Variants in PIP5K1A observed in about 807,000 individuals in gnomAD.
The protein encoded by PIP5K1A is phosphatidylinositol-4-phosphate 5-kinase type 1 alpha, also known as phosphatidylinositol 4-phosphate 5-kinase type-1 alpha.
In PIP5K1A, 46 loss-of-function variants were observed where a neutral mutation model predicts 72.9. That is an observed-to-expected ratio of 0.63 (90% CI 0.50 to 0.81). The LOEUF is 0.81. Ranked by LOEUF, PIP5K1A falls within the 30% of genes least tolerant of loss-of-function variation. PIP5K1A has a pLI of 0.00. For synonymous variants in PIP5K1A, 228 were observed against 255.1 expected, an observed-to-expected ratio of 0.89 and a Z score of 1.01; for missense variants, 458 against 706.1, an observed-to-expected ratio of 0.65 and a Z score of 3.98.
At chr1:151,237,105 C>G (rs1326715903) in intron 9 of PIP5K1A, among the ~76,000 whole-genome samples, 1 of 152,170 alleles carries the variant, frequency 6.6e-6, no homozygotes, top group Non-Finnish European at 1.5e-5. Context: ...GCAGGGATTA[C>G]AGGCGTGAGC....
intron 3 of PIP5K1A, among the ~76,000 whole-genome samples, chr1:151,225,016 T>C (rs587721476): frequency 6.6e-6 from 1 of 152,274 alleles, no homozygotes; most frequent in South Asian, 2.1e-4. Context: ...GCTAAAAGAA[T>C]AGAACTTGAA....
At chr1:151,222,343 A>G (rs587665573) in intron 1 of PIP5K1A, among the ~76,000 whole-genome samples, 1 of 152,312 alleles carries the variant, frequency 6.6e-6, no homozygotes, top group South Asian at 2.1e-4. Flanking sequence ...ACAGATAGCT[A>G]AGCAGTTGGC....
intron 7 of PIP5K1A, among the ~76,000 whole-genome samples, chr1:151,233,979 T>G (rs587670957): frequency 6.6e-6 from 1 of 152,282 alleles, no homozygotes; most frequent in South Asian, 2.1e-4. Context: ...CTGGCTGATT[T>G]CTGTATTGGA....
chr1:151,209,549 C>T (rs1273894098), intron 1 of PIP5K1A, among the ~76,000 whole-genome samples: 2 of 151,504 alleles, frequency 1.3e-5, no homozygotes, highest in South Asian at 2.1e-4. Context: ...AAGCAATTCT[C>T]CTGTCTCAGC....
intron 8 of PIP5K1A, among the ~76,000 whole-genome samples, chr1:151,236,305 C>T (rs1370777081): frequency 1.3e-5 from 2 of 151,020 alleles, no homozygotes; most frequent in Non-Finnish European, 2.9e-5. Context: ...ATGGTGAAAC[C>T]GTCTCTATGA....
chr1:151,224,425 A>C lies in PIP5K1A; in HGVS notation c.156+19A>C, dbSNP rs751526337. ...CTCATTGGTAGGCTAGAAATTATGCAACTCATCTTTTATTGTAGTTTATTT... is the reference window on the plus strand; with the variant it reads ...CTCATTGGTAGGCTAGAAATTATGCCACTCATCTTTTATTGTAGTTTATTT... On this transcript the variant is annotated intron_variant, in intron 3 of 15. Coordinates refer to ENST00000368888, the MANE Select transcript of PIP5K1A (RefSeq NM_001135638.2). 6.6e-7 allele frequency: 1 copy of C among 1,524,700 alleles called. No homozygotes were observed. Among genetic ancestry groups the C allele is most frequent in the South Asian group, 1.1e-5 (1 of 88,294 alleles). 94.4% of individuals were successfully genotyped at this position (1,524,700 alleles called of 1,614,324 possible).
At chr1:151,212,925 C>G (rs1321321230) in intron 1 of PIP5K1A, among the ~76,000 whole-genome samples, 1 of 134,122 alleles carries the variant, frequency 7.5e-6, no homozygotes, top group East Asian at 2.3e-4. Flanking sequence ...GAGTCTCGCT[C>G]TGTCGCCCAG....
intron 10 of PIP5K1A, among the ~76,000 whole-genome samples, chr1:151,238,800 T>C (rs1441729966): frequency 1.3e-5 from 2 of 152,226 alleles, no homozygotes; most frequent in African/African-American, 4.8e-5. Context: ...AGTATTATCA[T>C]CCAGTTTTAA....
In PIP5K1A at chr1:151,248,060, C is replaced by A. The variant is rs1167448503; in HGVS notation, c.*195C>A. The A allele has an allele frequency of 4.9e-6, 3 of 611,046 alleles. No individual in the cohort carries two copies. The highest frequency in any genetic ancestry group is 8.7e-6 in the Non-Finnish European group (3 of 343,542). 37.9% of individuals were successfully genotyped at this position (611,046 alleles called of 1,614,324 possible). On this transcript the variant is annotated 3_prime_UTR_variant, in exon 16 of 16. Coordinates refer to ENST00000368888, the MANE Select transcript of PIP5K1A (RefSeq NM_001135638.2). ...CTCCTTCCTCTTCCTCATGAATGGG[C>A]CTTAGTGCCTCAGAGAGTTGAGGAC...
In PIP5K1A at chr1:151,244,685, T is replaced by G. The variant is rs114197868; in HGVS notation, c.1640+2118T>G. Among the ~76,000 whole-genome samples, 1,334 of 152,078 alleles carry G rather than the reference T, an allele frequency of 8.8e-3. 28 individuals are homozygous for G. The highest frequency in any genetic ancestry group is 0.03 in the African/African-American group (1,264 of 41,486). On this transcript the variant is annotated intron_variant, in intron 14 of 15. Coordinates refer to ENST00000368888, the MANE Select transcript of PIP5K1A (RefSeq NM_001135638.2). The stretch of plus-strand genomic sequence containing the variant: ...GAAAAATAAATAAAAATAAAGTATA[T>G]GGAGGATGTGTGTGAGTTATATGCA...
At chr1:151,218,635 A>C (rs1687963836) in intron 1 of PIP5K1A, among the ~76,000 whole-genome samples, 1 of 151,914 alleles carries the variant, frequency 6.6e-6, no homozygotes, top group Admixed American at 6.6e-5. Flanking sequence ...AGAGATCGAG[A>C]CCATCCTGGC....
intron 1 of PIP5K1A, among the ~76,000 whole-genome samples, chr1:151,219,932 C>G (rs1192860432): frequency 3.0e-5 from 4 of 133,750 alleles, no homozygotes; most frequent in Admixed American, 1.7e-4. Flanking sequence ...CTCAATTAAT[C>G]TTCCCATCTT....
intron 1 of PIP5K1A, among the ~76,000 whole-genome samples, chr1:151,209,757 G>A (rs1003264288): frequency 1.3e-5 from 2 of 151,186 alleles, no homozygotes; most frequent in Non-Finnish European, 2.9e-5. Flanking sequence ...TAGTAGAGAC[G>A]GGGTTTCACC....
chr1:151,223,594 G>A (rs1228700673), intron 1 of PIP5K1A, among the ~76,000 whole-genome samples: 7 of 146,160 alleles, frequency 4.8e-5, no homozygotes, highest in African/African-American at 7.6e-5. Context: ...GCAGTGAGCC[G>A]AGATCGTGCC....
chr1:151,221,489 G>A (rs966279015), intron 1 of PIP5K1A, among the ~76,000 whole-genome samples: 3 of 152,164 alleles, frequency 2.0e-5, no homozygotes, highest in African/African-American at 7.2e-5. Context: ...ACTTCCAAGT[G>A]TAGACTGATG....
intron 1 of PIP5K1A, among the ~76,000 whole-genome samples, chr1:151,217,400 C>A (rs776965075): frequency 1.3e-5 from 2 of 152,150 alleles, no homozygotes; most frequent in Non-Finnish European, 2.9e-5. Flanking sequence ...TTACTTAAAA[C>A]CGGGTTAAAT....
At chr1:151,247,708 G>A (rs1692713553) in intron 15 of PIP5K1A, among the ~76,000 whole-genome samples, 155 bp from the exon 16 acceptor site, 1 of 152,220 alleles carries the variant, frequency 6.6e-6, no homozygotes, top group African/African-American at 2.4e-5. Context: ...ACAGGTGTGA[G>A]CCACCATGCG....
rs746720202 is a variant in PIP5K1A at position 151,234,217 on chromosome 1, G to A, written c.660G>A (p.Arg220=). 1.2e-6 allele frequency: 2 copies of A among 1,604,366 alleles called. No individual in the cohort carries two copies. Among genetic ancestry groups the A allele is most frequent in the Admixed American group, 1.7e-5 (1 of 59,422 alleles). ...CTCAGAACCTCAACCAGAACCCTCG[G>A]ACTTTGCTGCCTAAATTCTATGGAC... The part of the protein sequence containing the change: ...GYYMNLNQNP[R]TLLPKFYGLY... Residue 220 remains arginine, a synonymous_variant, in exon 8 of 16, where the codon CGG becomes CGA. Coordinates refer to ENST00000368888, the MANE Select transcript of PIP5K1A (RefSeq NM_001135638.2).
chr1:151,203,545 G>A (rs184727475), intron 1 of PIP5K1A, among the ~76,000 whole-genome samples: 217 of 150,450 alleles, frequency 1.4e-3, no homozygotes, highest in African/African-American at 5.2e-3. Context: ...AAAAAAAAAG[G>A]CCAGGAGCAG....
Sources: allele counts gnomAD v4.1 joint callset (sites outside exome capture counted in the v4.1 genomes callset), GRCh38; gene constraint gnomAD v4.1.1; transcripts MANE v1.5; gene names NCBI Gene and HGNC (gene_info 2026-07-23, HGNC 2026-07-21).